KIAA1328: variants seen among roughly 807,000 people sequenced by gnomAD.
The protein encoded by KIAA1328 is KIAA1328.
Under a neutral mutation model 68.1 loss-of-function variants are expected in KIAA1328, and 52 were observed. That is an observed-to-expected ratio of 0.76 (90% confidence interval 0.61 to 0.96). The LOEUF is 0.96. Ranked by LOEUF, KIAA1328 falls within the 40% of genes least tolerant of loss-of-function variation. The pLI is 0.00. For synonymous variants in KIAA1328, 232 were observed against 239.4 expected, an observed-to-expected ratio of 0.97 and a Z score of 0.28; for missense variants, 641 against 677.6, an observed-to-expected ratio of 0.95 and a Z score of 0.60.
chr18:37,193,352 A>G (rs920566816), intron 9 of KIAA1328, among the ~76,000 whole-genome samples: 2 of 152,206 alleles, frequency 1.3e-5, no homozygotes, highest in African/African-American at 2.4e-5. Flanking sequence ...CATATGGGTT[A>G]CAGCATAATG....
intron 6 of KIAA1328, among the ~76,000 whole-genome samples, chr18:36,988,579 G>T: frequency 6.6e-6 from 1 of 152,146 alleles, no homozygotes; most frequent in East Asian, 1.9e-4. Context: ...AGCCATGCTT[G>T]GGAATATTGA....
intron 6 of KIAA1328, among the ~76,000 whole-genome samples, chr18:37,044,370 A>G (rs1364392961): frequency 6.6e-6 from 1 of 152,146 alleles, no homozygotes; most frequent in Non-Finnish European, 1.5e-5. Flanking sequence ...AGCTGATAGG[A>G]ACGTGGTAAA....
rs899891677 is a variant in KIAA1328, at chr18:37,067,653, C to T, written c.1232+108C>T. 1.0e-4 allele frequency: 123 copies of T among 1,176,884 alleles called. 1 individual carries two copies. Among genetic ancestry groups the T allele is most frequent in the Middle Eastern group, 8.9e-4 (3 of 3,362 alleles). The allele number at this position is 1,176,884 out of a possible 1,614,324, so 72.9% of individuals were successfully genotyped here. A position where few individuals can be genotyped will look rare whatever the true frequency, so the allele number is the denominator to read the frequency against. On this transcript the variant is annotated intron_variant, in intron 7 of 9. Transcript: ENST00000280020. ...TCAGCTCACTGCAGCCTCCGCCTCC[C>T]GAGTTCAAGCAGTTCTCTGCCTCAG...
rs182366471 is a variant in KIAA1328, at chr18:36,882,742, T to C, written c.333-2815T>C. Among the ~76,000 whole-genome samples the C allele has an allele frequency of 3.9e-4, 60 of 152,300 alleles. 1 individual carries two copies. In the East Asian group the frequency reaches 0.011, roughly 27 times the overall value. ...ATCATTTTATCTGGATAGAATACAT[T>C]TTGGGAAAAGCTCATCACAGACTCT... On this transcript the variant is annotated intron_variant, in intron 4 of 9. Coordinates refer to ENST00000280020, the MANE Select transcript of KIAA1328 (RefSeq NM_020776.3).
intron 9 of KIAA1328, among the ~76,000 whole-genome samples, chr18:37,206,443 G>T (rs868166872): frequency 1.3e-5 from 2 of 152,130 alleles, no homozygotes; most frequent in Non-Finnish European, 2.9e-5. Context: ...AATGCAAAAA[G>T]CCCCCTTTGG....
At chr18:37,225,470 G>A (rs1051794165), downstream of KIAA1328, 7 of 265,640 alleles carry the variant, frequency 2.6e-5, no homozygotes, top group Admixed American at 1.3e-4. Context: ...GGAGCCTGTC[G>A]TTGACTGAGA....
At chr18:37,167,604 G>GT (rs948740368) in intron 8 of KIAA1328, among the ~76,000 whole-genome samples, 5 of 152,134 alleles carry the variant, frequency 3.3e-5, no homozygotes, top group African/African-American at 1.2e-4. Flanking sequence ...GTGCCTGTTG[G>GT]TATGTTCTTC....
intron 9 of KIAA1328, chr18:37,193,458 T>C (rs1031371391): frequency 1.6e-6 from 1 of 621,976 alleles, no homozygotes; most frequent in African/African-American, 1.8e-5. Context: ...AGGTCAAATG[T>C]TGCTACCAAA....
At chr18:37,043,826 G>A (rs1477522086) in intron 6 of KIAA1328, among the ~76,000 whole-genome samples, 1 of 152,182 alleles carries the variant, frequency 6.6e-6, no homozygotes, top group Non-Finnish European at 1.5e-5. Flanking sequence ...TATATAGGAA[G>A]CTTATCAAGA....
chr18:37,031,601 T>C (rs1005404382), intron 6 of KIAA1328, among the ~76,000 whole-genome samples: 1 of 152,216 alleles, frequency 6.6e-6, no homozygotes, highest in Non-Finnish European at 1.5e-5. Flanking sequence ...AGTTTGCTTT[T>C]GATTTATAAT....
At chr18:36,893,443 G>C (rs1490503818) in intron 5 of KIAA1328, among the ~76,000 whole-genome samples, 1 of 137,864 alleles carries the variant, frequency 7.3e-6, no homozygotes, top group African/African-American at 2.7e-5. Flanking sequence ...ATTTGTGTGT[G>C]TGTGTGTGTG....
chr18:37,060,212 A>G (rs963906279), intron 6 of KIAA1328, among the ~76,000 whole-genome samples: 1 of 152,166 alleles, frequency 6.6e-6, no homozygotes, highest in Admixed American at 6.5e-5. Context: ...TGGAAAATGT[A>G]GGGCATTCAA....
chr18:37,004,950 C>G (rs1236881924), intron 6 of KIAA1328, among the ~76,000 whole-genome samples: 1 of 152,080 alleles, frequency 6.6e-6, no homozygotes, highest in Admixed American at 6.6e-5. Flanking sequence ...CATTTGCAGC[C>G]ACCTGGATGG....
intron 9 of KIAA1328, among the ~76,000 whole-genome samples, chr18:37,202,371 A>G (rs2060131782): frequency 6.6e-6 from 1 of 152,050 alleles, no homozygotes; most frequent in Non-Finnish European, 1.5e-5. Context: ...TGTTGTAGTT[A>G]TTGTTTGTTT....
downstream of KIAA1328, among the ~76,000 whole-genome samples, chr18:37,227,059 G>C (rs574478542): frequency 1.3e-5 from 2 of 152,262 alleles, no homozygotes; most frequent in South Asian, 4.1e-4. Flanking sequence ...GAGCCACCGC[G>C]CCCAGGCCCA....
intron 6 of KIAA1328, among the ~76,000 whole-genome samples, chr18:37,050,138 A>G (rs1020382569): frequency 1.3e-5 from 2 of 152,150 alleles, no homozygotes; most frequent in Non-Finnish European, 2.9e-5. Context: ...ACTGGAGGAC[A>G]TAAAAGAGGT....
intron 7 of KIAA1328, among the ~76,000 whole-genome samples, chr18:37,098,198 T>C (rs1490539313): frequency 6.6e-6 from 1 of 152,250 alleles, no homozygotes; most frequent in African/African-American, 2.4e-5. Flanking sequence ...CAGTATGGTA[T>C]TGGCTGTGGG....
chr18:37,175,032 T>C (rs2154214315), intron 9 of KIAA1328, among the ~76,000 whole-genome samples: 1 of 152,296 alleles, frequency 6.6e-6, no homozygotes, highest in South Asian at 2.1e-4. Flanking sequence ...CAATAAGTTG[T>C]GTTTCTGAAA....
chr18:37,102,201 T>C (rs1294812233), intron 7 of KIAA1328, among the ~76,000 whole-genome samples: 1 of 152,212 alleles, frequency 6.6e-6, no homozygotes, highest in East Asian at 1.9e-4. Context: ...TGCTTCAACA[T>C]ATGCAATTCA....
Sources: allele counts gnomAD v4.1 joint callset (sites outside exome capture counted in the v4.1 genomes callset), GRCh38; gene constraint gnomAD v4.1.1; transcripts MANE v1.5; gene names NCBI Gene and HGNC (gene_info 2026-07-23, HGNC 2026-07-21).